MOSPD2: variants seen among roughly 807,000 people sequenced by gnomAD.
The protein encoded by MOSPD2 is motile sperm domain-containing protein 2.
A neutral mutation model predicts 41.7 loss-of-function variants in MOSPD2; 5 were observed. The ratio of observed to expected loss-of-function variants is 0.12; its 90% CI spans 0.06 to 0.25. The LOEUF (loss-of-function observed/expected upper bound fraction) is 0.25, where lower values mean the gene tolerates loss of function less well. Ranked by LOEUF, MOSPD2 falls within the 10% of genes least tolerant of loss-of-function variation. The pLI is 1.00. For synonymous variants in MOSPD2, 115 were observed against 126.9 expected (o/e 0.91, Z 0.63); for missense variants, 282 against 375.2 (o/e 0.75, Z 2.05).
At chrX:14,884,936 A>G (rs942061236) in intron 2 of MOSPD2, among the ~76,000 whole-genome samples, 4 of 111,452 alleles carry the variant, frequency 3.6e-5, no homozygotes, top group African/African-American at 1.3e-4. Context: ...ACTCAAAGCA[A>G]AAAGCACCCA....
chrX:14,889,824 TG>T (rs149500719), intron 2 of MOSPD2, among the ~76,000 whole-genome samples: 281 of 112,070 alleles, frequency 2.5e-3, no homozygotes, highest in Middle Eastern at 0.014. Flanking sequence ...TTCTTAGTAA[TG>T]GACATTCATT....
chrX:14,905,423 G>A (rs2092580200), intron 7 of MOSPD2, among the ~76,000 whole-genome samples: 1 of 110,721 alleles, frequency 9.0e-6, no homozygotes, highest in Admixed American at 9.6e-5. Flanking sequence ...CAAAATCCTT[G>A]GATGCTCAAG....
chrX:14,918,880 T>C (rs911433604), intron 14 of MOSPD2, 98 bp downstream of exon 14: 5 of 547,386 alleles, frequency 9.1e-6, no homozygotes, highest in East Asian at 7.3e-5. Flanking sequence ...ACATTTGGCA[T>C]AGACACGATA....
intron 7 of MOSPD2, among the ~76,000 whole-genome samples, chrX:14,905,634 T>C (rs1192444199): frequency 9.1e-6 from 1 of 110,413 alleles, no homozygotes; most frequent in African/African-American, 3.3e-5. Flanking sequence ...GCTGGGACTA[T>C]AGGCACCTAC....
intron 2 of MOSPD2, among the ~76,000 whole-genome samples, chrX:14,890,159 T>C (rs1386909465): frequency 9.0e-6 from 1 of 110,988 alleles, no homozygotes; most frequent in East Asian, 2.8e-4. Flanking sequence ...TCAAGGCAGG[T>C]AGTCATTGTA....
intron 5 of MOSPD2, among the ~76,000 whole-genome samples, chrX:14,898,490 CTT>C (rs1363797189): frequency 9.0e-6 from 1 of 111,663 alleles, no homozygotes; most frequent in Non-Finnish European, 1.9e-5. Context: ...TTCTATTTCT[CTT>C]TTTATTTTTC....
At chrX:14,909,047 T>C (rs955260612) in intron 8 of MOSPD2, 63 bp downstream of exon 8, 1 of 934,623 alleles carries the variant, frequency 1.1e-6, no homozygotes, top group East Asian at 3.8e-5. Context: ...CTGTATACTT[T>C]CCTCAAGGGA....
chrX:14,893,729 GA>G (rs1411389599), intron 3 of MOSPD2, among the ~76,000 whole-genome samples: 1 of 112,536 alleles, frequency 8.9e-6, no homozygotes, highest in East Asian at 2.8e-4. Context: ...AGGAATCCCT[GA>G]AAGGGGGATT....
chrX:14,894,096 A>AT lies in MOSPD2; in HGVS notation c.236-1206dup, dbSNP rs763479723. Among the ~76,000 whole-genome samples, 4 of 110,746 alleles carry AT rather than the reference A, an allele frequency of 3.6e-5. No individual in the cohort carries two copies. The South Asian group carries it at 1.5e-3, about 42-fold the overall frequency. On this transcript the variant is annotated intron_variant, in intron 3 of 14. Transcript: ENST00000380492. ...CTCCTGCTGAAGTTCAAGTTCTCAC[A>AT]TTTTTTGTTTTCTTTTCTTATCTTC...
At chrX:14,895,774 A>G (rs1161755557) in intron 4 of MOSPD2, among the ~76,000 whole-genome samples, 2 of 111,268 alleles carry the variant, frequency 1.8e-5, no homozygotes, top group Admixed American at 9.6e-5. Context: ...CGAGTCTCCC[A>G]TAATCTCACT....
intron 2 of MOSPD2, among the ~76,000 whole-genome samples, chrX:14,890,934 C>T (rs2092552439): frequency 9.0e-6 from 1 of 111,322 alleles, no homozygotes; most frequent in South Asian, 3.7e-4. Context: ...TTTGTATGAA[C>T]CTTAGGAGGG....
intron 12 of MOSPD2, 144 bp downstream of exon 12, chrX:14,915,908 C>A: frequency 1.7e-6 from 1 of 588,684 alleles, no homozygotes; most frequent in Non-Finnish European, 2.7e-6. Context: ...TCGCTGTAGA[C>A]ATCTTTTTTC....
chrX:14,900,260 G>A, intron 5 of MOSPD2, among the ~76,000 whole-genome samples: 1 of 111,338 alleles, frequency 9.0e-6, no homozygotes, highest in East Asian at 2.8e-4. Flanking sequence ...TTTCTCTATG[G>A]AGATTGCTTT....
In MOSPD2 at chrX:14,921,699, A is replaced by G. The variant is rs2092609929; in HGVS notation, c.*1890A>G. ...ATATCTTGTTAATGTTTGTGTGTCT[A>G]TTAAATGTGACTAAGCAGGATTACT... is the stretch of plus-strand genomic sequence containing the variant. On this transcript the variant is annotated 3_prime_UTR_variant, in exon 15 of 15. Coordinates refer to ENST00000380492, the MANE Select transcript of MOSPD2 (RefSeq NM_152581.4). The G allele has an allele frequency of 5.5e-6, 1 of 181,531 alleles. No individual in the cohort carries two copies. The highest frequency in any genetic ancestry group is 7.8e-5 in the Admixed American group (1 of 12,825). 15.0% of individuals were successfully genotyped at this position (181,531 alleles called of 1,213,427 possible).
intron 2 of MOSPD2, among the ~76,000 whole-genome samples, chrX:14,875,332 A>G (rs1267727223): frequency 2.7e-5 from 3 of 111,844 alleles, no homozygotes; most frequent in Non-Finnish European, 3.8e-5. Flanking sequence ...TAAAATCCCA[A>G]TTCTTTATGG....
intron 2 of MOSPD2, chrX:14,885,581 T>C (rs752506870): frequency 8.9e-6 from 1 of 111,971 alleles, no homozygotes; most frequent in Non-Finnish European, 1.9e-5. Flanking sequence ...CTCTACATTA[T>C]ATAGGATAAC....
chrX:14,891,723 C>T lies in MOSPD2; in HGVS notation c.80-1000C>T, dbSNP rs1038852408. Among the ~76,000 whole-genome samples the T allele has an allele frequency of 7.1e-4, 77 of 108,835 alleles. 2 individuals carry two copies. The highest frequency in any genetic ancestry group is 2.9e-4 in the Non-Finnish European group (15 of 52,220). 94.5% of individuals were successfully genotyped at this position (108,835 alleles called of 115,157 possible). A position where few individuals can be genotyped will look rare whatever the true frequency, so the allele number is the denominator to read the frequency against. On this transcript the variant is annotated intron_variant, in intron 2 of 14. Transcript: ENST00000380492. Reference sequence around the variant, plus strand: ...GCTGAGACTACAGGGTGCGCCACCACGCCCAGCTAATTTTTGTATTTTTAG... The same window carrying T: ...GCTGAGACTACAGGGTGCGCCACCATGCCCAGCTAATTTTTGTATTTTTAG...
At chrX:14,884,317 AAATAAT>A (rs1477093196) in intron 2 of MOSPD2, among the ~76,000 whole-genome samples, 1 of 112,049 alleles carries the variant, frequency 8.9e-6, no homozygotes, top group Non-Finnish European at 1.9e-5. Context: ...AAGAAAAAAC[AAATAAT>A]AATAAGAGTA....
intron 13 of MOSPD2, 146 bp downstream of exon 13, chrX:14,916,472 T>A: frequency 1.1e-6 from 1 of 943,425 alleles, no homozygotes; most frequent in Non-Finnish European, 1.4e-6. Flanking sequence ...GAAAGAGACC[T>A]GGTGTTGCTC....
Sources: allele counts gnomAD v4.1 joint callset (sites outside exome capture counted in the v4.1 genomes callset), GRCh38; gene constraint gnomAD v4.1.1; transcripts MANE v1.5; gene names NCBI Gene and HGNC (gene_info 2026-07-23, HGNC 2026-07-21).